PBX3: variants seen among roughly 807,000 people sequenced by gnomAD.
The protein encoded by PBX3 is PBX homeobox 3, also known as pre-B-cell leukemia transcription factor 3.
PBX3 carries 14 observed loss-of-function variants against 48.5 expected under a neutral mutation model. The observed-to-expected ratio is 0.29, with a 90% CI of 0.19 to 0.45. PBX3 has a LOEUF of 0.45. PBX3 is among the 20% of genes least tolerant of loss of function. The probability of loss-of-function intolerance (pLI) is 1.00; values close to 1 mark genes in which losing one functional copy is unlikely to be tolerated. For missense variants in PBX3, 386 were observed against 546.7 expected (o/e 0.71, Z 2.93); for synonymous variants, 210 against 200.3 (o/e 1.05, Z -0.41).
rs533902155 is a variant in PBX3 at position 125,873,928 on chromosome 9, C to A, written c.275-41758C>A. On this transcript the variant is annotated intron_variant, in intron 2 of 8. Coordinates refer to ENST00000373489, the MANE Select transcript of PBX3 (RefSeq NM_006195.6). ...TTTGAAAATTTATGAAATTGACAAA[C>A]CTCTGGTAAAGATTTATCAAATGCA... Among the ~76,000 whole-genome samples the A allele has an allele frequency of 2.6e-5, 4 of 151,918 alleles. No individual in the cohort carries two copies. The South Asian group carries it at 8.3e-4, about 32-fold the overall frequency.
chr9:125,918,909 A>G (rs1403244308), intron 3 of PBX3, among the ~76,000 whole-genome samples: 1 of 152,206 alleles, frequency 6.6e-6, no homozygotes, highest in Non-Finnish European at 1.5e-5. Context: ...CTTTGGCGTT[A>G]CAAGAAGGAC....
intron 2 of PBX3, among the ~76,000 whole-genome samples, chr9:125,848,854 A>C (rs1839501765): frequency 6.6e-6 from 1 of 151,988 alleles, no homozygotes; most frequent in Non-Finnish European, 1.5e-5. Flanking sequence ...AATAATTTTC[A>C]GGGAGTCATC....
At chr9:125,838,799 G>A (rs1008091100) in intron 2 of PBX3, among the ~76,000 whole-genome samples, 1 of 152,136 alleles carries the variant, frequency 6.6e-6, no homozygotes, top group African/African-American at 2.4e-5. Context: ...GTACTAACTA[G>A]GTCTAGGTTA....
Position 125,857,968 on chromosome 9 carries a change from G to T in PBX3, c.275-57718G>T, listed in dbSNP as rs144856513. Among the ~76,000 whole-genome samples the T allele has an allele frequency of 4.6e-3, 703 of 152,326 alleles. 8 individuals are homozygous for T. Among genetic ancestry groups the T allele is most frequent in the African/African-American group, 0.016 (653 of 41,578 alleles). ...AGATGTAGTCAATTGGAGTAAGGCT[G>T]CCCTTAGCTTGTCATAAGAATATTT... On this transcript the variant is annotated intron_variant, in intron 2 of 8. Coordinates refer to ENST00000373489, the MANE Select transcript of PBX3 (RefSeq NM_006195.6).
At position 125,882,034 on chromosome 9, in the gene PBX3, C is replaced by G. The variant is rs923469875; in HGVS notation, c.275-33652C>G. ...TGGGCAACATAATGAGACTTCATCT[C>G]TGCAAAATAAATAAATAAATAATAA... On this transcript the variant is annotated intron_variant, in intron 2 of 8. Coordinates refer to ENST00000373489, the MANE Select transcript of PBX3 (RefSeq NM_006195.6). Among the ~76,000 whole-genome samples, 200 of 151,668 alleles carry G rather than the reference C, an allele frequency of 1.3e-3. 1 individual carries two copies. The highest frequency in any genetic ancestry group is 4.6e-3 in the African/African-American group (189 of 41,344).
intron 2 of PBX3, among the ~76,000 whole-genome samples, chr9:125,819,557 A>G (rs1280393315): frequency 6.6e-6 from 1 of 152,166 alleles, no homozygotes; most frequent in Non-Finnish European, 1.5e-5. Context: ...AATTCTAGCT[A>G]TAATAGATCA....
At chr9:125,793,366 A>AAAAATATATATATATATATATAT (rs59271982) in intron 2 of PBX3, among the ~76,000 whole-genome samples, 1 of 101,976 alleles carries the variant, frequency 9.8e-6, no homozygotes, top group African/African-American at 4.2e-5. Context: ...GGAAAAAAAA[A>AAAAATATATATATATATATATAT]ATATATATAT....
intron 2 of PBX3, among the ~76,000 whole-genome samples, chr9:125,855,719 C>G (rs998069142): frequency 6.6e-6 from 1 of 152,080 alleles, no homozygotes; most frequent in African/African-American, 2.4e-5. Context: ...ATAGATGCAT[C>G]TAGAACCAAA....
At chr9:125,899,698 C>T (rs1323457931) in intron 2 of PBX3, among the ~76,000 whole-genome samples, 2 of 151,578 alleles carry the variant, frequency 1.3e-5, no homozygotes, top group East Asian at 3.9e-4. Context: ...AGCAAGGAGA[C>T]TTCATTTTAA....
At chr9:125,823,370 A>T (rs750143826) in intron 2 of PBX3, among the ~76,000 whole-genome samples, 28 of 152,188 alleles carry the variant, frequency 1.8e-4, no homozygotes, top group Non-Finnish European at 3.1e-4. Flanking sequence ...AATGGTTTTT[A>T]TGTACCAGTG....
chr9:125,785,859 G>A (rs1385044757), intron 2 of PBX3, among the ~76,000 whole-genome samples: 1 of 151,996 alleles, frequency 6.6e-6, no homozygotes, highest in African/African-American at 2.4e-5. Context: ...CTTTGAGCCT[G>A]CCACTAAACC....
At chr9:125,823,011 C>T (rs961354340) in intron 2 of PBX3, among the ~76,000 whole-genome samples, 2 of 150,004 alleles carry the variant, frequency 1.3e-5, no homozygotes, top group African/African-American at 4.9e-5. Context: ...GTGAGTTTTA[C>T]TTTGTCAGAA....
At chr9:125,918,207 T>C (rs1485371455) in intron 3 of PBX3, among the ~76,000 whole-genome samples, 1 of 152,216 alleles carries the variant, frequency 6.6e-6, no homozygotes, top group Non-Finnish European at 1.5e-5. Context: ...TCTTTACACC[T>C]GCCTCCTTAC....
intron 2 of PBX3, among the ~76,000 whole-genome samples, chr9:125,854,428 G>A (rs949522486): frequency 5.9e-5 from 9 of 152,110 alleles, no homozygotes; most frequent in Middle Eastern, 3.4e-3. Context: ...GTGCCATCAT[G>A]CGCAGCCCTA....
intron 2 of PBX3, among the ~76,000 whole-genome samples, chr9:125,780,627 T>C (rs1266734563): frequency 3.7e-5 from 4 of 108,320 alleles, no homozygotes; most frequent in Admixed American, 1.8e-4. Flanking sequence ...ACGGGGCGGC[T>C]GGCCGGGCGG....
intron 2 of PBX3, among the ~76,000 whole-genome samples, chr9:125,824,098 C>T (rs1838739162): frequency 6.6e-6 from 1 of 150,962 alleles, no homozygotes; most frequent in Non-Finnish European, 1.5e-5. Flanking sequence ...AAAATGTAGG[C>T]TAAAGGGTTA....
At chr9:125,811,699 G>A (rs1030235127) in intron 2 of PBX3, among the ~76,000 whole-genome samples, 3 of 152,176 alleles carry the variant, frequency 2.0e-5, no homozygotes, top group Non-Finnish European at 4.4e-5. Flanking sequence ...TACAGATTTA[G>A]TGTATGGTGA....
At chr9:125,811,333 G>C (rs1489253743) in intron 2 of PBX3, among the ~76,000 whole-genome samples, 3 of 152,180 alleles carry the variant, frequency 2.0e-5, no homozygotes, top group Non-Finnish European at 4.4e-5. Context: ...CTGTGATATG[G>C]TTTGGCTCTG....
chr9:125,762,575 G>A (rs796657125), intron 2 of PBX3, among the ~76,000 whole-genome samples: 8 of 152,288 alleles, frequency 5.3e-5, no homozygotes, highest in Admixed American at 1.3e-4. Flanking sequence ...TGAATTGAAA[G>A]CAGAAATGGG....
Sources: allele counts gnomAD v4.1 joint callset (sites outside exome capture counted in the v4.1 genomes callset), GRCh38; gene constraint gnomAD v4.1.1; transcripts MANE v1.5; gene names NCBI Gene and HGNC (gene_info 2026-07-23, HGNC 2026-07-21).